The following NIPBL variants were observed in gnomAD, a reference collection of about 807,000 sequenced individuals.
The protein encoded by NIPBL is nipped-B-like protein.
Under a neutral mutation model 321.8 loss-of-function variants are expected in NIPBL, and 19 were observed. The observed-to-expected ratio is 0.06, with a 90% CI of 0.04 to 0.09. The LOEUF (loss-of-function observed/expected upper bound fraction) is 0.09. Among genes scored for constraint, NIPBL ranks in the 10% least tolerant of loss-of-function variants. The pLI, the probability that NIPBL is intolerant of heterozygous loss-of-function variation, is 1.00. For synonymous variants in NIPBL, 1,106 were observed against 1,114.1 expected (o/e 0.99, Z 0.14); for missense variants, 2,210 against 3,327.0 (o/e 0.66, Z 8.26).
At chr5:36,951,310 G>A (rs911803605) in intron 1 of NIPBL, among the ~76,000 whole-genome samples, 1 of 152,142 alleles carries the variant, frequency 6.6e-6, no homozygotes, top group African/African-American at 2.4e-5. Flanking sequence ...AAAACAGTCA[G>A]GTAGCCCACA....
chr5:36,892,118 G>C (rs1199600261), intron 1 of NIPBL, among the ~76,000 whole-genome samples: 1 of 152,190 alleles, frequency 6.6e-6, no homozygotes, highest in East Asian at 1.9e-4. Context: ...ATTTGGAAAT[G>C]ACTTTTACAG....
chr5:36,928,585 T>G (rs1421336727), intron 1 of NIPBL, among the ~76,000 whole-genome samples: 1 of 152,196 alleles, frequency 6.6e-6, no homozygotes, highest in African/African-American at 2.4e-5. Flanking sequence ...TAATATAAAG[T>G]TCACCTGTTT....
At position 37,046,203 on chromosome 5, in the gene NIPBL, A is replaced by G. The variant is rs534597253; in HGVS notation, c.6589+4A>G. ...ACAAAAGCTATCATTGGTCTAGGTA[A>G]GTCTAAATTTCTTTATAATTTGTAG... On this transcript the variant is annotated splice_donor_region_variant and intron_variant, in intron 38 of 46. Transcript: ENST00000282516. The G allele has an allele frequency of 1.9e-5, 28 of 1,499,414 alleles. No homozygotes were observed. The highest frequency in any genetic ancestry group is 1.4e-4 in the East Asian group (6 of 44,176). 92.9% of individuals were successfully genotyped at this position (1,499,414 alleles called of 1,614,324 possible). A position where few individuals can be genotyped will look rare whatever the true frequency, so the allele number is the denominator to read the frequency against.
intron 1 of NIPBL, among the ~76,000 whole-genome samples, chr5:36,933,384 T>C (rs1749927530): frequency 6.6e-6 from 1 of 152,100 alleles, no homozygotes; most frequent in African/African-American, 2.4e-5. Context: ...AAAGGGTCTG[T>C]GGAAATAATA....
intron 6 of NIPBL, among the ~76,000 whole-genome samples, chr5:36,967,321 G>A (rs1308590991): frequency 1.3e-5 from 2 of 152,028 alleles, no homozygotes; most frequent in South Asian, 2.1e-4. Context: ...TTAGAGAACC[G>A]TGTGTTTGAC....
rs184583328 is a variant in NIPBL, at chr5:37,037,116, G to A, written c.5971+629G>A. The stretch of plus-strand genomic sequence containing the variant: ...GAAATATAAAAATTGGGCCAGGCGT[G>A]GTGGCTCACACCTGTAATCCCAGCA... On this transcript the variant is annotated intron_variant, in intron 33 of 46. Coordinates refer to ENST00000282516, the MANE Select transcript of NIPBL (RefSeq NM_133433.4). 6.9e-3 allele frequency among the ~76,000 whole-genome samples: 1,051 copies of A among 151,700 alleles called. 10 individuals are homozygous for A. The highest frequency in any genetic ancestry group is 0.024 in the African/African-American group (993 of 41,428).
chr5:37,013,321 A>T (rs1428609565), intron 21 of NIPBL, among the ~76,000 whole-genome samples: 1 of 148,872 alleles, frequency 6.7e-6, no homozygotes, highest in African/African-American at 2.5e-5. Context: ...TCCCTCCCGG[A>T]CGGGGCGGCT....
chr5:36,951,409 A>C (rs1740273738), intron 1 of NIPBL, among the ~76,000 whole-genome samples: 1 of 152,208 alleles, frequency 6.6e-6, no homozygotes, highest in Non-Finnish European at 1.5e-5. Flanking sequence ...AATCTGCTTG[A>C]ATATGGCAGT....
chr5:37,022,183 C>G, intron 28 of NIPBL, 34 bp downstream of exon 28: 3 of 1,612,676 alleles, frequency 1.9e-6, no homozygotes, highest in Non-Finnish European at 2.5e-6. Context: ...CTTTTCTACT[C>G]GAATTGGAAT....
intron 42 of NIPBL, among the ~76,000 whole-genome samples, chr5:37,055,931 A>G (rs772140511): frequency 6.6e-6 from 1 of 152,098 alleles, no homozygotes; most frequent in Non-Finnish European, 1.5e-5. Flanking sequence ...AGGCAAAGGG[A>G]TTGCTTGAGC....
chr5:36,882,649 C>A (rs1180737374), intron 1 of NIPBL, among the ~76,000 whole-genome samples: 1 of 151,922 alleles, frequency 6.6e-6, no homozygotes, highest in African/African-American at 2.4e-5. Flanking sequence ...TTCAGGGTAG[C>A]AAACCTAGCA....
intron 1 of NIPBL, among the ~76,000 whole-genome samples, chr5:36,920,323 CAT>C (rs1340798221): frequency 3.3e-5 from 5 of 152,194 alleles, no homozygotes; most frequent in African/African-American, 1.2e-4. Context: ...TAAAGAAAAA[CAT>C]AAAGTAAATA....
intron 42 of NIPBL, among the ~76,000 whole-genome samples, chr5:37,055,644 A>G (rs1339717853): frequency 3.3e-5 from 5 of 152,044 alleles, no homozygotes; most frequent in Admixed American, 2.6e-4. Flanking sequence ...AAGGAGAGTA[A>G]GAAGTGAAAA....
chr5:37,000,314 C>G, intron 11 of NIPBL, 59 bp from the exon 12 acceptor site: 1 of 1,527,696 alleles, frequency 6.5e-7, no homozygotes, highest in South Asian at 1.1e-5. Context: ...TTGTAAAGTA[C>G]AAGTTTTAAT....
intron 1 of NIPBL, chr5:36,885,566 C>T (rs535272794): frequency 2.7e-4 from 145 of 531,012 alleles, no homozygotes; most frequent in African/African-American, 1.5e-3. Flanking sequence ...GAAGGGACCC[C>T]AGGTCAGAGA....
chr5:37,004,041 A>G (rs1747128245), intron 16 of NIPBL, among the ~76,000 whole-genome samples: 1 of 152,176 alleles, frequency 6.6e-6, no homozygotes, highest in Admixed American at 6.5e-5. Context: ...ATACTAATTA[A>G]TATACATTAC....
intron 24 of NIPBL, 53 bp downstream of exon 24, chr5:37,017,215 G>T (rs1464164674): frequency 1.3e-6 from 2 of 1,499,032 alleles, no homozygotes; most frequent in East Asian, 2.3e-5. Context: ...TATTTTCTTT[G>T]CATGTCCTTA....
At chr5:37,041,358 G>A (rs1752346015) in intron 34 of NIPBL, among the ~76,000 whole-genome samples, 1 of 143,668 alleles carries the variant, frequency 7.0e-6, no homozygotes, top group South Asian at 2.2e-4. Flanking sequence ...CTGCCTCCTG[G>A]CTTCAAGCGA....
intron 25 of NIPBL, among the ~76,000 whole-genome samples, chr5:37,019,923 T>A (rs1397590535): frequency 6.6e-6 from 1 of 152,204 alleles, no homozygotes; most frequent in East Asian, 1.9e-4. Flanking sequence ...GATATGCAAT[T>A]GAAAGAAATG....
Sources: gnomAD v4.1 joint callset for allele counts (sites outside exome capture counted in the v4.1 genomes callset) on GRCh38, gnomAD v4.1.1 for gene constraint, MANE v1.5 for transcripts, NCBI Gene and HGNC (gene_info 2026-07-23, HGNC 2026-07-21) for gene names.